Variants in ZNF292 observed in about 807,000 individuals in gnomAD.
The protein encoded by ZNF292 is zinc finger protein 292.
A neutral mutation model predicts 217.9 loss-of-function variants in ZNF292; 26 were observed. The ratio of observed to expected loss-of-function variants is 0.12; its 90% confidence interval spans 0.09 to 0.17. The LOEUF (loss-of-function observed/expected upper bound fraction) is 0.17, where lower values mean the gene tolerates loss of function less well. Among genes scored for constraint, ZNF292 ranks in the 10% least tolerant of loss-of-function variants. The probability of loss-of-function intolerance (pLI) is 1.00; values close to 1 mark genes in which losing one functional copy is unlikely to be tolerated. For missense variants in ZNF292, 2,904 were observed against 3,175.2 expected, an observed-to-expected ratio of 0.91 and a Z score of 2.05; for synonymous variants, 1,257 against 1,124.1, an observed-to-expected ratio of 1.12 and a Z score of -2.37.
At chr6:87,184,050 A>G (rs1308430322) in intron 1 of ZNF292, among the ~76,000 whole-genome samples, 1 of 152,264 alleles carries the variant, frequency 6.6e-6, no homozygotes, top group African/African-American at 2.4e-5. Flanking sequence ...CAGTGCTTAC[A>G]CACAAAGTCA....
rs75988991 is a variant in ZNF292 at position 87,196,545 on chromosome 6, T to C, written c.169-19358T>C. Among the ~76,000 whole-genome samples, 766 of 152,360 alleles carry C rather than the reference T, an allele frequency of 5.0e-3. 8 individuals are homozygous for C. Among genetic ancestry groups the C allele is most frequent in the African/African-American group, 0.017 (716 of 41,582 alleles). ...CTGTCAAATTTTGGGAAAAGTTATG[T>C]GATTGCTTACTGATCATGATGCACA... On this transcript the variant is annotated intron_variant, in intron 1 of 7. Coordinates refer to ENST00000369577, the MANE Select transcript of ZNF292 (RefSeq NM_015021.3).
chr6:87,193,835 T>C (rs1198070503), intron 1 of ZNF292, among the ~76,000 whole-genome samples: 1 of 152,230 alleles, frequency 6.6e-6, no homozygotes, highest in Non-Finnish European at 1.5e-5. Flanking sequence ...ATCCCATTAA[T>C]GTGTATGCAG....
At chr6:87,188,928 G>A (rs184406828) in intron 1 of ZNF292, among the ~76,000 whole-genome samples, 81 of 152,178 alleles carry the variant, frequency 5.3e-4, no homozygotes, top group African/African-American at 1.9e-3. Context: ...TTTCAGGCCA[G>A]GCACCGTGGC....
At chr6:87,219,110 T>C (rs562030168) in intron 4 of ZNF292, among the ~76,000 whole-genome samples, 1 of 152,216 alleles carries the variant, frequency 6.6e-6, no homozygotes, top group Non-Finnish European at 1.5e-5. Flanking sequence ...TAGAACTCTT[T>C]AAGTCTTTTG....
At chr6:87,225,450 G>A (rs1468382142) in intron 4 of ZNF292, among the ~76,000 whole-genome samples, 1 of 152,022 alleles carries the variant, frequency 6.6e-6, no homozygotes, top group Non-Finnish European at 1.5e-5. Context: ...TGAAATCCAA[G>A]GCCATATAGA....
chr6:87,243,392 A>G (rs1774410989), intron 5 of ZNF292, 83 bp from the exon 6 acceptor site: 2 of 1,167,180 alleles, frequency 1.7e-6, no homozygotes, highest in African/African-American at 1.6e-5. Flanking sequence ...CTATCTAAAT[A>G]TTTAATGAAA....
At chr6:87,232,416 A>G (rs559891428) in intron 4 of ZNF292, among the ~76,000 whole-genome samples, 2 of 152,260 alleles carry the variant, frequency 1.3e-5, no homozygotes, top group East Asian at 3.9e-4. Flanking sequence ...TGTTTTATTC[A>G]TGGAGCATTT....
At chr6:87,253,500 G>A (rs955077141) in intron 7 of ZNF292, among the ~76,000 whole-genome samples, 2 of 151,722 alleles carry the variant, frequency 1.3e-5, no homozygotes, top group African/African-American at 4.8e-5. Context: ...AAAGTGCTTG[G>A]ATTATAAGCA....
At chr6:87,234,689 A>G (rs1175206150) in intron 5 of ZNF292, among the ~76,000 whole-genome samples, 1 of 152,164 alleles carries the variant, frequency 6.6e-6, no homozygotes, top group Non-Finnish European at 1.5e-5. Flanking sequence ...TAGAGAGGAA[A>G]ACAAAGGGAT....
chr6:87,249,403 CAGGTATG>C (rs1774779603), intron 7 of ZNF292: 2 of 398,356 alleles, frequency 5.0e-6, no homozygotes, highest in African/African-American at 4.2e-5. Context: ...GGTGGGATTA[CAGGTATG>C]AGCCACCACA....
chr6:87,238,947 A>G (rs1774051120), intron 5 of ZNF292, among the ~76,000 whole-genome samples: 1 of 152,140 alleles, frequency 6.6e-6, no homozygotes, highest in Non-Finnish European at 1.5e-5. Flanking sequence ...CCCTTAATCC[A>G]TTTAACCCTG....
intron 1 of ZNF292, among the ~76,000 whole-genome samples, chr6:87,159,264 C>A (rs941690418): frequency 6.6e-6 from 1 of 152,010 alleles, no homozygotes; most frequent in Non-Finnish European, 1.5e-5. Flanking sequence ...CCACCTGCCC[C>A]CCCTTTGCTT....
At chr6:87,161,918 G>A (rs1320869148) in intron 1 of ZNF292, among the ~76,000 whole-genome samples, 2 of 152,054 alleles carry the variant, frequency 1.3e-5, no homozygotes, top group African/African-American at 4.8e-5. Flanking sequence ...AGAAAATAAA[G>A]ATAACTACAC....
chr6:87,254,174 A>G (rs1775081869), intron 7 of ZNF292, among the ~76,000 whole-genome samples: 1 of 152,230 alleles, frequency 6.6e-6, no homozygotes, highest in Admixed American at 6.5e-5. Flanking sequence ...TTATAATTAG[A>G]TTAGAAGGGT....
intron 1 of ZNF292, among the ~76,000 whole-genome samples, chr6:87,199,610 T>C (rs9351120): frequency 0.12 from 19,003 of 152,240 alleles, 1,384 homozygotes; most frequent in African/African-American, 0.2. Flanking sequence ...TTTTGGGTTT[T>C]GTGTATGATG....
chr6:87,159,126 A>G (rs1770636509), intron 1 of ZNF292, among the ~76,000 whole-genome samples: 1 of 152,208 alleles, frequency 6.6e-6, no homozygotes, highest in Non-Finnish European at 1.5e-5. Context: ...TCCGTAGTTT[A>G]TAGATTTTTA....
At position 87,262,096 on chromosome 6, in the gene ZNF292, T is replaced by C. The variant is rs75431582; in HGVS notation, c.*295T>C. ...ACTAAACAATTATCTGTGTGATTGG[T>C]ATGTTTCACCAGGTCACTGCTCATG... is the stretch of plus-strand genomic sequence containing the variant. On this transcript the variant is annotated 3_prime_UTR_variant, in exon 8 of 8. Coordinates refer to ENST00000369577, the MANE Select transcript of ZNF292 (RefSeq NM_015021.3). The C allele has an allele frequency of 1.4e-3, 276 of 203,934 alleles. No homozygotes were observed. The highest frequency in any genetic ancestry group is 2.1e-3 in the Non-Finnish European group (209 of 100,712). The allele number at this position is 203,934 out of a possible 1,614,324, so 12.6% of individuals were successfully genotyped here.
intron 1 of ZNF292, chr6:87,170,361 C>G (rs780777732): frequency 1.3e-5 from 2 of 152,130 alleles, no homozygotes; most frequent in African/African-American, 2.4e-5. Context: ...TTTATATCCT[C>G]AAACTGACCA....
Position 87,261,255 on chromosome 6 carries a change from TAAAAAA to T in ZNF292, c.7628_7633del (p.Lys2543_Lys2544del). 6.2e-7 allele frequency: 1 copy of T among 1,609,520 alleles called. No homozygotes were observed. Among genetic ancestry groups the T allele is most frequent in the Non-Finnish European group, 8.5e-7 (1 of 1,178,744 alleles). ...ATAAGGAAAAAAATGTCTCACAAAA[TAAAAAA>T]AGGAAAGTTGAAAAAGCTGAACCAG... On this transcript the variant is annotated inframe_deletion, in exon 8 of 8. Coordinates refer to ENST00000369577, the MANE Select transcript of ZNF292 (RefSeq NM_015021.3).
Sources: gnomAD v4.1 joint callset for allele counts (sites outside exome capture counted in the v4.1 genomes callset) on GRCh38, gnomAD v4.1.1 for gene constraint, MANE v1.5 for transcripts, NCBI Gene and HGNC (gene_info 2026-07-23, HGNC 2026-07-21) for gene names.